FAT4: variants seen among roughly 807,000 people sequenced by gnomAD.
FAT4 encodes the protein FAT atypical cadherin 4, also known as protocadherin Fat 4.
A neutral mutation model predicts 303.9 loss-of-function variants in FAT4; 84 were observed. That is an observed-to-expected ratio of 0.28 (90% CI 0.23 to 0.33). The LOEUF (loss-of-function observed/expected upper bound fraction) is 0.33, where lower values mean the gene tolerates loss of function less well. Among genes scored for constraint, FAT4 ranks in the 10% least tolerant of loss-of-function variants. The pLI is 1.00. For synonymous variants in FAT4, 2,307 were observed against 2,298.8 expected (o/e 1.00, Z -0.10); for missense variants, 6,005 against 6,146.8 (o/e 0.98, Z 0.77).
Position 125,449,403 on chromosome 4 carries a change from C to A in FAT4, c.8393C>A (p.Thr2798Asn). 1 of 1,613,770 alleles carries A rather than the reference C, an allele frequency of 6.2e-7. No individual in the cohort carries two copies. The highest frequency in any genetic ancestry group is 8.5e-7 in the Non-Finnish European group (1 of 1,179,802). The change falls in exon 10 of 18, where the codon ACT becomes AAT. Residue 2798 changes from threonine to asparagine, a missense_variant. Transcript: ENST00000394329. ...GGATACACAGTTACCCGTGTCACAA[C>A]TTCTGATGAAGACATTGGGATCAAT... is the stretch of plus-strand genomic sequence containing the variant. ...PLGYTVTRVT[T>N]SDEDIGINAI...
Position 125,316,330 on chromosome 4 carries a change from C to G in FAT4, c.-12-70C>G. On this transcript the variant is annotated intron_variant, in intron 1 of 17. Transcript: ENST00000394329. This position sits in a 1 kb window ranked among gnomAD's most constrained non-coding sequence, Gnocchi z 5.7. ...AAGCCGTCAGCTGAATCTTTGCTGG[C>G]GCTCCTTAATCCCTGTAAATATCAT... 6.7e-7 allele frequency: 1 copy of G among 1,491,298 alleles called. No homozygotes were observed. The highest frequency in any genetic ancestry group is 8.9e-7 in the Non-Finnish European group (1 of 1,120,608). The allele number at this position is 1,491,298 out of a possible 1,614,324, so 92.4% of individuals were successfully genotyped here. A position where few individuals can be genotyped will look rare whatever the true frequency, so the allele number is the denominator to read the frequency against.
At chr4:125,447,533 G>A (rs1725867094) in intron 9 of FAT4, among the ~76,000 whole-genome samples, 1 of 152,116 alleles carries the variant, frequency 6.6e-6, no homozygotes, top group Non-Finnish European at 1.5e-5. Context: ...CCAATGTGTG[G>A]TGGTGCAAGA....
chr4:125,438,319 A>G (rs1404910137), intron 8 of FAT4, among the ~76,000 whole-genome samples: 2 of 152,158 alleles, frequency 1.3e-5, no homozygotes, highest in Admixed American at 1.3e-4. Context: ...GATTCATTGC[A>G]AAATGCTATC....
chr4:125,326,159 A>G (rs2125951744), intron 2 of FAT4, among the ~76,000 whole-genome samples: 1 of 152,268 alleles, frequency 6.6e-6, no homozygotes, highest in African/African-American at 2.4e-5. Flanking sequence ...ATTACAAATG[A>G]GTTTTAGCAA....
chr4:125,381,989 T>C (rs1359691820), intron 2 of FAT4, among the ~76,000 whole-genome samples: 1 of 152,248 alleles, frequency 6.6e-6, no homozygotes, highest in African/African-American at 2.4e-5. Flanking sequence ...TAGTTTTATC[T>C]TGTGACTGTG....
intron 8 of FAT4, among the ~76,000 whole-genome samples, chr4:125,435,677 G>A (rs1156779793): frequency 6.6e-6 from 1 of 152,160 alleles, no homozygotes; most frequent in Admixed American, 6.5e-5. Context: ...AGGTCAGCAT[G>A]TCTGGACCAG....
intron 12 of FAT4, among the ~76,000 whole-genome samples, chr4:125,474,139 ATTCT>A (rs1560629850): frequency 6.6e-6 from 1 of 152,050 alleles, no homozygotes. Context: ...CTCCTCCATT[ATTCT>A]TTCTTTGAGT....
At chr4:125,385,888 C>G (rs1201283434) in intron 2 of FAT4, among the ~76,000 whole-genome samples, 1 of 152,020 alleles carries the variant, frequency 6.6e-6, no homozygotes, top group Non-Finnish European at 1.5e-5. Flanking sequence ...AATGTTGGTA[C>G]TTTGGTTTTG....
intron 3 of FAT4, among the ~76,000 whole-genome samples, chr4:125,401,400 G>GA (rs1227079371): frequency 6.6e-6 from 1 of 151,606 alleles, no homozygotes; most frequent in African/African-American, 2.4e-5. Context: ...AAATTTTGGG[G>GA]AAAATATTTT....
At chr4:125,457,041 A>G (rs1161319903) in intron 10 of FAT4, among the ~76,000 whole-genome samples, 1 of 152,008 alleles carries the variant, frequency 6.6e-6, no homozygotes, top group African/African-American at 2.4e-5. Context: ...AGTCTGTGAA[A>G]TTACAAATTG....
chr4:125,320,139 G>C lies in FAT4; in HGVS notation c.3728G>C (p.Gly1243Ala). ...TCAGATGTTGATGAAGGTAATAATGGACTTATTCACTATTCTATAATAAAA... is the reference window on the plus strand; with the variant it reads ...TCAGATGTTGATGAAGGTAATAATGCACTTATTCACTATTCTATAATAAAA... The part of the protein sequence containing the change: ...SASDVDEGNN[G>A]LIHYSIIKGN... The change falls in exon 2 of 18, where the codon GGA becomes GCA. Residue 1243 changes from glycine to alanine, a missense_variant. Physicochemically the swap from Gly to Ala is moderately conservative, Grantham distance 60 (BLOSUM62 0). Transcript: ENST00000394329. 6.2e-7 allele frequency: 1 copy of C among 1,613,952 alleles called. No homozygotes were observed. Among genetic ancestry groups the C allele is most frequent in the Non-Finnish European group, 8.5e-7 (1 of 1,179,892 alleles).
At chr4:125,347,548 T>C (rs892704427) in intron 2 of FAT4, among the ~76,000 whole-genome samples, 2 of 151,380 alleles carry the variant, frequency 1.3e-5, no homozygotes, top group African/African-American at 2.4e-5. Flanking sequence ...TACTTTTGAA[T>C]ATATATTTGA....
chr4:125,459,829 T>A (rs1429890594), intron 10 of FAT4, among the ~76,000 whole-genome samples: 2 of 152,134 alleles, frequency 1.3e-5, no homozygotes, highest in Admixed American at 6.6e-5. Flanking sequence ...ACCAAGAGCA[T>A]GTTAGAGTAA....
intron 7 of FAT4, among the ~76,000 whole-genome samples, chr4:125,429,455 G>A (rs1332846697): frequency 6.6e-6 from 1 of 152,084 alleles, no homozygotes; most frequent in Non-Finnish European, 1.5e-5. Flanking sequence ...AATAAGAGTG[G>A]CAGAGTTTTA....
intron 3 of FAT4, among the ~76,000 whole-genome samples, chr4:125,403,633 A>C (rs1163950369): frequency 6.6e-6 from 1 of 152,092 alleles, no homozygotes; most frequent in Non-Finnish European, 1.5e-5. Flanking sequence ...AACCATTTCT[A>C]TGATGCTATT....
intron 17 of FAT4, among the ~76,000 whole-genome samples, chr4:125,489,478 T>G (rs1179472566): frequency 6.6e-6 from 1 of 152,212 alleles, no homozygotes; most frequent in Non-Finnish European, 1.5e-5. Context: ...AATGCATGAT[T>G]TAGTAGTTGA....
At position 125,490,907 on chromosome 4, in the gene FAT4, C is replaced by T. The variant is rs558572205; in HGVS notation, c.14091C>T (p.Pro4697=). Reference sequence around the variant, plus strand: ...TAAGCCACTCAGCATGCCCAACTCCCAACCCTCTGTCTCGACACAGTCCAG... The same window carrying T: ...TAAGCCACTCAGCATGCCCAACTCCTAACCCTCTGTCTCGACACAGTCCAG... The part of the protein sequence containing the change: ...SSLSHSACPT[P]NPLSRHSPAP... Residue 4697 remains proline, a synonymous_variant, in exon 18 of 18, where the codon CCC becomes CCT. Transcript: ENST00000394329. 6.2e-7 allele frequency: 1 copy of T among 1,614,202 alleles called. No individual in the cohort carries two copies. The highest frequency in any genetic ancestry group is 1.1e-5 in the South Asian group (1 of 91,084).
chr4:125,358,387 A>C (rs936019507), intron 2 of FAT4, among the ~76,000 whole-genome samples: 7 of 152,108 alleles, frequency 4.6e-5, no homozygotes, highest in Admixed American at 3.9e-4. Context: ...ATCTAATGAA[A>C]TAGTTATACA....
At chr4:125,356,348 G>C (rs1041591452) in intron 2 of FAT4, among the ~76,000 whole-genome samples, 1 of 151,848 alleles carries the variant, frequency 6.6e-6, no homozygotes, top group Non-Finnish European at 1.5e-5. Flanking sequence ...GCTCTTTATG[G>C]ATTTATTGCA....
Sources: gnomAD v4.1 joint callset for allele counts (sites outside exome capture counted in the v4.1 genomes callset) on GRCh38, gnomAD v4.1.1 for gene constraint, Gnocchi (gnomAD v3.1) non-coding constraint, MANE v1.5 for transcripts, NCBI Gene and HGNC (gene_info 2026-07-23, HGNC 2026-07-21) for gene names.